The following ARHGEF7 variants were observed in gnomAD, a reference collection of about 807,000 sequenced individuals.
The protein encoded by ARHGEF7 is PAK-interacting exchange factor beta.
A neutral mutation model predicts 109.8 loss-of-function variants in ARHGEF7; 33 were observed. The observed-to-expected ratio is 0.30, with a 90% confidence interval of 0.23 to 0.40. ARHGEF7 has a LOEUF of 0.40. ARHGEF7 is among the 10% of genes least tolerant of loss of function. ARHGEF7 has a pLI of 1.00. For synonymous variants in ARHGEF7, 458 were observed against 424.6 expected, an observed-to-expected ratio of 1.08 and a Z score of -0.97; for missense variants, 938 against 1,098.5, an observed-to-expected ratio of 0.85 and a Z score of 2.07.
At chr13:111,148,144 C>G (rs1333919962) in intron 1 of ARHGEF7, among the ~76,000 whole-genome samples, 1 of 152,256 alleles carries the variant, frequency 6.6e-6, no homozygotes, top group East Asian at 1.9e-4. Flanking sequence ...GCGTCTCACT[C>G]TTTGCATTCA....
Position 111,303,170 on chromosome 13 carries a change from CT to C in ARHGEF7, c.*58del, listed in dbSNP as rs1391286748. On this transcript the variant is annotated 3_prime_UTR_variant, in exon 22 of 22. Transcript: ENST00000646102. ...AGTTCTGAGGTGAAGCTGGGCACCCCTGACCCAAGTCGGGGTGCACTCAGGA... is the reference window on the plus strand; with the variant it reads ...AGTTCTGAGGTGAAGCTGGGCACCCCGACCCAAGTCGGGGTGCACTCAGGA... 2.0e-5 allele frequency: 29 copies of C among 1,471,664 alleles called. No homozygotes were observed. Among genetic ancestry groups the C allele is most frequent in the African/African-American group, 7.1e-5 (5 of 70,650 alleles). 91.2% of individuals were successfully genotyped at this position (1,471,664 alleles called of 1,614,324 possible). A position where few individuals can be genotyped will look rare whatever the true frequency, so the allele number is the denominator to read the frequency against.
At chr13:111,286,272 G>A in intron 17 of ARHGEF7, 32 bp downstream of exon 17, 3 of 1,551,750 alleles carry the variant, frequency 1.9e-6, no homozygotes, top group South Asian at 1.1e-5. Context: ...GGTGGAGGAC[G>A]TGGCCTCCTG....
intron 9 of ARHGEF7, among the ~76,000 whole-genome samples, chr13:111,268,827 A>T (rs578137801): frequency 6.6e-6 from 1 of 152,252 alleles, no homozygotes; most frequent in Non-Finnish European, 1.5e-5. Flanking sequence ...CTCAGTGAAT[A>T]TTCTGTTGTC....
intron 5 of ARHGEF7, among the ~76,000 whole-genome samples, chr13:111,227,666 C>A (rs924018334): frequency 6.6e-6 from 1 of 152,202 alleles, no homozygotes; most frequent in African/African-American, 2.4e-5. Context: ...ACTTCAGGGT[C>A]TCCCTGTGTA....
chr13:111,287,020 C>T (rs551980959), intron 17 of ARHGEF7, among the ~76,000 whole-genome samples: 1 of 152,326 alleles, frequency 6.6e-6, no homozygotes, highest in East Asian at 1.9e-4. Flanking sequence ...CCTCCAGCCT[C>T]AGGAGGAGGC....
intron 2 of ARHGEF7, among the ~76,000 whole-genome samples, chr13:111,169,388 C>T (rs1376930818): frequency 1.3e-5 from 2 of 152,104 alleles, no homozygotes; most frequent in African/African-American, 2.4e-5. Flanking sequence ...AACTTACAAT[C>T]GTGGTGGAAG....
intron 4 of ARHGEF7, among the ~76,000 whole-genome samples, chr13:111,215,107 A>G (rs549303293): frequency 2.6e-5 from 4 of 151,760 alleles, no homozygotes; most frequent in South Asian, 2.1e-4. Flanking sequence ...TAGTTCATCT[A>G]TATTTATGGG....
At chr13:111,198,376 C>A (rs1241574651) in intron 2 of ARHGEF7, among the ~76,000 whole-genome samples, 1 of 152,218 alleles carries the variant, frequency 6.6e-6, no homozygotes, top group Admixed American at 6.5e-5. Flanking sequence ...GTCTCGCTGA[C>A]TTCAAGAATG....
chr13:111,118,540 C>A (rs565457424), intron 1 of ARHGEF7, among the ~76,000 whole-genome samples: 2 of 152,246 alleles, frequency 1.3e-5, no homozygotes, highest in East Asian at 3.9e-4. Context: ...CAGGAGGGGT[C>A]AGGATGTTTG....
In ARHGEF7 at chr13:111,283,712, C is replaced by T. The variant is rs1335342297; in HGVS notation, c.1950+349C>T. On this transcript the variant is annotated intron_variant, in intron 16 of 21. Coordinates refer to ENST00000646102, the MANE Select transcript of ARHGEF7 (RefSeq NM_001354046.2). ...GTGAGGCCATCGCTCAGCATCTGCACGCTGTCTGCTGCGTCTAACGACCCC... is the reference window on the plus strand; with the variant it reads ...GTGAGGCCATCGCTCAGCATCTGCATGCTGTCTGCTGCGTCTAACGACCCC... Among the ~76,000 whole-genome samples the T allele has an allele frequency of 7.2e-5, 11 of 152,216 alleles. No individual in the cohort carries two copies. In the East Asian group the frequency reaches 1.5e-3, roughly 21 times the overall value.
intron 1 of ARHGEF7, among the ~76,000 whole-genome samples, chr13:111,122,113 T>G (rs1294065840): frequency 6.6e-6 from 1 of 152,236 alleles, no homozygotes; most frequent in Non-Finnish European, 1.5e-5. Flanking sequence ...CATCCCACTC[T>G]GGACAGACCA....
intron 2 of ARHGEF7, among the ~76,000 whole-genome samples, chr13:111,155,120 T>G (rs1167660549): frequency 6.6e-6 from 1 of 152,228 alleles, no homozygotes; most frequent in Non-Finnish European, 1.5e-5. Context: ...GACTATGCCA[T>G]TTTATATAAA....
chr13:111,168,042 T>TG (rs145730765), intron 2 of ARHGEF7, among the ~76,000 whole-genome samples: 5,935 of 152,282 alleles, frequency 0.039, 161 homozygotes, highest in Middle Eastern at 0.078. Flanking sequence ...GTTCCCTCCT[T>TG]GGCAGAGTGA....
Position 111,115,714 on chromosome 13 carries a change from G to T in ARHGEF7, c.165+23G>T, listed in dbSNP as rs867284313. ...AAAGTAAGTCCCGGCCCGCGCCCCCGCCCGCGCCCCCCGGTCCGGCCCGCT... is the reference window on the plus strand; with the variant it reads ...AAAGTAAGTCCCGGCCCGCGCCCCCTCCCGCGCCCCCCGGTCCGGCCCGCT... On this transcript the variant is annotated intron_variant, in intron 1 of 21. Coordinates refer to ENST00000646102, the MANE Select transcript of ARHGEF7 (RefSeq NM_001354046.2). 151 of 1,134,458 alleles carry T rather than the reference G, an allele frequency of 1.3e-4. No individual in the cohort carries two copies. The Middle Eastern group carries it at 3.1e-3, about 23-fold the overall frequency. The allele number at this position is 1,134,458 out of a possible 1,614,324, so 70.3% of individuals were successfully genotyped here. A position where few individuals can be genotyped will look rare whatever the true frequency, so the allele number is the denominator to read the frequency against.
In ARHGEF7 at chr13:111,133,761, CTT is replaced by C. The variant is rs1286958339; in HGVS notation, c.165+18072_165+18073del. On this transcript the variant is annotated intron_variant, in intron 1 of 21. Coordinates refer to ENST00000646102, the MANE Select transcript of ARHGEF7 (RefSeq NM_001354046.2). ...GGGATGGGGCAGAGAATCTGCTTTT[CTT>C]TATATATATATATATATATATATAT... Among the ~76,000 whole-genome samples, 135 of 73,342 alleles carry C rather than the reference CTT, an allele frequency of 1.8e-3. 1 individual carries two copies. Among genetic ancestry groups the C allele is most frequent in the Non-Finnish European group, 2.5e-3 (97 of 39,334 alleles). The allele number at this position is 73,342 out of a possible 152,430, so 48.1% of individuals were successfully genotyped here. A position where few individuals can be genotyped will look rare whatever the true frequency, so the allele number is the denominator to read the frequency against.
chr13:111,119,854 C>T (rs139655328), intron 1 of ARHGEF7, among the ~76,000 whole-genome samples: 7 of 152,238 alleles, frequency 4.6e-5, no homozygotes, highest in African/African-American at 1.7e-4. Context: ...TTCTTAGGTC[C>T]TTTGGCCCTA....
chr13:111,203,357 C>G (rs1256027143), intron 2 of ARHGEF7, among the ~76,000 whole-genome samples: 1 of 152,198 alleles, frequency 6.6e-6, no homozygotes, highest in Non-Finnish European at 1.5e-5. Context: ...GTGGTTATGT[C>G]AGCCTAGATG....
chr13:111,179,640 T>G (rs564834355), intron 2 of ARHGEF7, among the ~76,000 whole-genome samples: 12 of 152,346 alleles, frequency 7.9e-5, no homozygotes, highest in African/African-American at 2.9e-4. Flanking sequence ...TTCTTTCTGT[T>G]AAATGTAGGA....
chr13:111,135,232 G>A (rs1388298984), intron 1 of ARHGEF7, among the ~76,000 whole-genome samples: 24 of 152,114 alleles, frequency 1.6e-4, no homozygotes, highest in African/African-American at 3.4e-4. Flanking sequence ...GTCAGGTAGC[G>A]TGATGCCTCC....
Sources: allele counts gnomAD v4.1 joint callset (sites outside exome capture counted in the v4.1 genomes callset), GRCh38; gene constraint gnomAD v4.1.1; transcripts MANE v1.5; gene names NCBI Gene and HGNC (gene_info 2026-07-23, HGNC 2026-07-21).